MYH15: variants seen among roughly 807,000 people sequenced by gnomAD.
The protein encoded by MYH15 is myosin heavy chain 15.
MYH15 carries 227 observed loss-of-function variants against 240.5 expected under a neutral mutation model. The ratio of observed to expected loss-of-function variants is 0.94; its 90% CI spans 0.85 to 1.05. MYH15 has a LOEUF of 1.05. MYH15 is among the 50% of genes least tolerant of loss of function. The probability of loss-of-function intolerance (pLI) is 0.00; values close to 1 mark genes in which losing one functional copy is unlikely to be tolerated. For synonymous variants in MYH15, 785 were observed against 796.7 expected (o/e 0.99, Z 0.25); for missense variants, 2,217 against 2,247.5 (o/e 0.99, Z 0.27).
At chr3:108,499,888 G>A (rs2083423081) in intron 4 of MYH15, among the ~76,000 whole-genome samples, 1 of 152,114 alleles carries the variant, frequency 6.6e-6, no homozygotes, top group Non-Finnish European at 1.5e-5. Flanking sequence ...CCACTGGGCC[G>A]AGCACTTTAA....
chr3:108,504,196 GGAT>G (rs1211830253), intron 2 of MYH15, among the ~76,000 whole-genome samples: 1 of 152,100 alleles, frequency 6.6e-6, no homozygotes, highest in Admixed American at 6.6e-5. Flanking sequence ...TTTCTTTGGG[GGAT>G]CTTTTCTAAT....
At chr3:108,464,504 G>T in intron 15 of MYH15, 134 bp downstream of exon 15, 1 of 916,268 alleles carries the variant, frequency 1.1e-6, no homozygotes, top group Non-Finnish European at 1.6e-6. Flanking sequence ...TACCTTTTTT[G>T]TGGAACTGAG....
rs1418694012 is a variant in MYH15, at chr3:108,381,496, G to T, written c.*49C>A. On this transcript the variant is annotated 3_prime_UTR_variant, in exon 41 of 41. Coordinates refer to ENST00000693548, the MANE Select transcript of MYH15 (RefSeq NM_014981.3). ...AACCTAAGTTTTTGGCCATGAAACA[G>T]CACCTTCCTTGTACTTCTCCAGCTG... 5.6e-6 allele frequency: 9 copies of T among 1,607,208 alleles called. No individual in the cohort carries two copies. The highest frequency in any genetic ancestry group is 7.7e-6 in the Non-Finnish European group (9 of 1,174,026).
chr3:108,425,042 G>A (rs1045053109), intron 27 of MYH15, among the ~76,000 whole-genome samples: 2 of 152,140 alleles, frequency 1.3e-5, no homozygotes, highest in Non-Finnish European at 2.9e-5. Context: ...ATGTTAGCAA[G>A]GTTAAAAGAC....
chr3:108,484,956 T>C, intron 11 of MYH15, 135 bp downstream of exon 11: 1 of 934,960 alleles, frequency 1.1e-6, no homozygotes, highest in South Asian at 1.8e-5. Context: ...ACAGAACCGT[T>C]TTTGAAGAAC....
intron 1 of MYH15, among the ~76,000 whole-genome samples, chr3:108,525,918 T>A (rs1364034103): frequency 1.3e-5 from 2 of 152,064 alleles, no homozygotes; most frequent in African/African-American, 2.4e-5. Flanking sequence ...AAACAAATGG[T>A]CTGGAATTAG....
At position 108,410,623 on chromosome 3, in the gene MYH15, C is replaced by T. The variant is rs756124140; in HGVS notation, c.4455G>A (p.Val1485=). The T allele has an allele frequency of 1.3e-5, 21 of 1,606,070 alleles. No individual in the cohort carries two copies. Among genetic ancestry groups the T allele is most frequent in the Non-Finnish European group, 1.7e-5 (20 of 1,173,504 alleles). The part of the protein sequence containing the change: ...KLKNTYEESI[V]GQETLRRENK... ...TCTCCCTCCTGAGTGTCTCCTGGCC[C>T]ACGATGCTCTCCTCATAGGTGTTCT... Residue 1485 remains valine (V), a synonymous_variant, in exon 31 of 41, where the codon GTG becomes GTA. Coordinates refer to ENST00000693548, the MANE Select transcript of MYH15 (RefSeq NM_014981.3).
intron 17 of MYH15, 109 bp from the exon 18 acceptor site, chr3:108,459,558 G>A: frequency 1.7e-6 from 1 of 586,568 alleles, no homozygotes; most frequent in Non-Finnish European, 2.9e-6. Context: ...CAGCCAAGAT[G>A]TATTCTAACA....
chr3:108,459,630 G>T (rs1191508120), intron 17 of MYH15, among the ~76,000 whole-genome samples, 181 bp from the exon 18 acceptor site: 1 of 152,016 alleles, frequency 6.6e-6, no homozygotes, highest in Non-Finnish European at 1.5e-5. Flanking sequence ...CTTTCCTATG[G>T]CAAGTCAATA....
At chr3:108,449,218 A>G (rs1305481154) in intron 21 of MYH15, among the ~76,000 whole-genome samples, 2 of 152,150 alleles carry the variant, frequency 1.3e-5, no homozygotes, top group Non-Finnish European at 2.9e-5. Context: ...TAAAATTCCA[A>G]TGGCATTTTT....
In MYH15 at chr3:108,388,971, T is replaced by TG; in HGVS notation, c.5533dup (p.Gln1845ProfsTer18). ...ACAGGGAATGGTTTCCTGGAGTACC[T>TG]GATAGGTCAGCTCTTTGATGCATCG... is the stretch of plus-strand genomic sequence containing the variant. On this transcript the variant is annotated frameshift_variant and splice_region_variant, in exon 38 of 41. Transcript: ENST00000693548. LOFTEE classifies it high-confidence loss of function. 6.2e-7 allele frequency: 1 copy of TG among 1,613,090 alleles called. No homozygotes were observed. Among genetic ancestry groups the TG allele is most frequent in the Non-Finnish European group, 8.5e-7 (1 of 1,179,480 alleles).
rs530036816 is a variant in MYH15, at chr3:108,520,492, T to C, written c.-58+8771A>G. Among the ~76,000 whole-genome samples the C allele has an allele frequency of 6.6e-5, 10 of 152,254 alleles. No individual in the cohort carries two copies. In the East Asian group the frequency reaches 7.7e-4, roughly 12 times the overall value. Reference sequence around the variant, plus strand: ...ATGACAGCTTCAGTCAACTTTGCCATTGTTTCTAAATTTGTCTACTGGTTT... The same window carrying C: ...ATGACAGCTTCAGTCAACTTTGCCACTGTTTCTAAATTTGTCTACTGGTTT... On this transcript the variant is annotated intron_variant, in intron 1 of 41. Transcript: ENST00000273353.
chr3:108,535,858 C>T, the MYH15 span, among the ~76,000 whole-genome samples: 1 of 152,238 alleles, frequency 6.6e-6, no homozygotes, highest in African/African-American at 2.4e-5. Context: ...CATGAGTATT[C>T]GCTAAACAAG....
At position 108,528,478 on chromosome 3, in the gene MYH15, T is replaced by C. The variant is rs1196584997; in HGVS notation, c.-58+785A>G. Among the ~76,000 whole-genome samples, 5 of 152,146 alleles carry C rather than the reference T, an allele frequency of 3.3e-5. 1 individual carries two copies. Among genetic ancestry groups the C allele is most frequent in the Admixed American group, 1.3e-4 (2 of 15,270 alleles). On this transcript the variant is annotated intron_variant, in intron 1 of 41. Coordinates refer to the MYH15 transcript ENST00000273353. ...CACTAAAATCTGGATGATGGTTGGG[T>C]TTTTCTGCACTCTGCCATGGGTTTT...
chr3:108,420,158 T>C (rs1249548975), intron 28 of MYH15, among the ~76,000 whole-genome samples: 1 of 152,188 alleles, frequency 6.6e-6, no homozygotes, highest in African/African-American at 2.4e-5. Context: ...TGGTTGATAA[T>C]AATGAATAAA....
intron 1 of MYH15, among the ~76,000 whole-genome samples, chr3:108,516,372 T>C (rs1156456071): frequency 3.9e-5 from 6 of 152,160 alleles, no homozygotes; most frequent in Non-Finnish European, 8.8e-5. Context: ...AGACAATGCC[T>C]GAAAATGAGA....
At chr3:108,395,291 AATG>A (rs1276269530) in intron 35 of MYH15, among the ~76,000 whole-genome samples, 1 of 152,186 alleles carries the variant, frequency 6.6e-6, no homozygotes, top group Non-Finnish European at 1.5e-5. Flanking sequence ...TAAAAAATAG[AATG>A]ATATTCCAGC....
At chr3:108,479,477 G>A (rs2083249002) in intron 11 of MYH15, among the ~76,000 whole-genome samples, 1 of 152,196 alleles carries the variant, frequency 6.6e-6, no homozygotes, top group African/African-American at 2.4e-5. Context: ...ACAAGTTTGA[G>A]AACAAAGTTG....
upstream of MYH15, among the ~76,000 whole-genome samples, chr3:108,530,573 G>C (rs547671834): frequency 5.9e-5 from 9 of 152,252 alleles, no homozygotes; most frequent in African/African-American, 2.2e-4. Flanking sequence ...GTGAATTATG[G>C]ACTTTGAGTA....
Sources: allele counts gnomAD v4.1 joint callset (sites outside exome capture counted in the v4.1 genomes callset), GRCh38; gene constraint gnomAD v4.1.1; transcripts MANE v1.5; gene names NCBI Gene and HGNC (gene_info 2026-07-23, HGNC 2026-07-21).